Variants in RAD17 observed in about 807,000 individuals in gnomAD.
The protein encoded by RAD17 is RAD17 checkpoint clamp loader component.
In RAD17, 31 loss-of-function variants were observed where a neutral mutation model predicts 81.5. The observed-to-expected ratio is 0.38, with a 90% CI of 0.29 to 0.51. The LOEUF (loss-of-function observed/expected upper bound fraction) is 0.51, where lower values mean the gene tolerates loss of function less well. Among genes scored for constraint, RAD17 ranks in the 20% least tolerant of loss-of-function variants. The pLI, the probability that RAD17 is intolerant of heterozygous loss-of-function variation, is 0.88. For synonymous variants in RAD17, 261 were observed against 266.2 expected, an observed-to-expected ratio of 0.98 and a Z score of 0.19; for missense variants, 681 against 781.2, an observed-to-expected ratio of 0.87 and a Z score of 1.53.
Position 69,372,183 on chromosome 5 carries a change from A to G in RAD17, c.-26A>G, listed in dbSNP as rs1269880732. 1 of 1,608,374 alleles carries G rather than the reference A, an allele frequency of 6.2e-7. No individual in the cohort carries two copies. The highest frequency in any genetic ancestry group is 2.2e-5 in the East Asian group (1 of 44,714). On this transcript the variant is annotated 5_prime_UTR_variant, in exon 4 of 19. Transcript: ENST00000354868. ...GGAAAGGGGCCAAGATTATAGTACC[A>G]GTCACAATCTTTTGATGAGGACGAA...
At chr5:69,397,640 C>A (rs1272245978) in intron 16 of RAD17, among the ~76,000 whole-genome samples, 1 of 152,158 alleles carries the variant, frequency 6.6e-6, no homozygotes, top group Non-Finnish European at 1.5e-5. Flanking sequence ...AACCCTAGTT[C>A]AACCTGAGAA....
chr5:69,393,641 C>G (rs1258242578), intron 15 of RAD17, 141 bp downstream of exon 15: 4 of 748,484 alleles, frequency 5.3e-6, no homozygotes, highest in African/African-American at 1.8e-5. Flanking sequence ...ATGTAACCAA[C>G]TCAGTGTTTA....
Position 69,386,198 on chromosome 5 carries a change from T to C in RAD17, c.717T>C (p.Gly239=). ...ATTTTAGGAAGTATGTGAGGATTGG[T>C]CGATGTCCTCTTATATTTATAATCT... ...HEVLRKYVRI[G]RCPLIFIISD... The change falls in exon 10 of 19, where the codon GGT becomes GGC. Residue 239 remains glycine (G), a synonymous_variant. Coordinates refer to ENST00000354868, the MANE Select transcript of RAD17 (RefSeq NM_133338.3). The C allele has an allele frequency of 1.9e-6, 3 of 1,606,522 alleles. No individual in the cohort carries two copies. Among genetic ancestry groups the C allele is most frequent in the Middle Eastern group, 3.3e-4 (2 of 6,026 alleles).
At chr5:69,403,293 G>A (rs1054438371) in intron 17 of RAD17, among the ~76,000 whole-genome samples, 6 of 152,154 alleles carry the variant, frequency 3.9e-5, no homozygotes, top group Non-Finnish European at 5.9e-5. Context: ...TGACATTTTA[G>A]AGGGATATAG....
chr5:69,414,681 A>G lies in RAD17; in HGVS notation c.*389A>G, dbSNP rs2150905116. 1 of 224,150 alleles carries G rather than the reference A, an allele frequency of 4.5e-6. No homozygotes were observed. The highest frequency in any genetic ancestry group is 2.3e-5 in the African/African-American group (1 of 43,476). The allele number at this position is 224,150 out of a possible 1,614,324, so 13.9% of individuals were successfully genotyped here. A position where few individuals can be genotyped will look rare whatever the true frequency, so the allele number is the denominator to read the frequency against. ...ATTACGAGTGTAAACTGTGTGCCTT[A>G]TTTACACTTTATTGTCTCCCGCTTC... is the stretch of plus-strand genomic sequence containing the variant. On this transcript the variant is annotated 3_prime_UTR_variant, in exon 19 of 19. Coordinates refer to ENST00000354868, the MANE Select transcript of RAD17 (RefSeq NM_133338.3).
chr5:69,386,890 G>A (rs992773481), intron 11 of RAD17, among the ~76,000 whole-genome samples: 4 of 146,768 alleles, frequency 2.7e-5, no homozygotes, highest in East Asian at 2.0e-4. Context: ...CTTCAGTATT[G>A]TAAAGTCTAT....
At position 69,371,135 on chromosome 5, in the gene RAD17, T is replaced by A; in HGVS notation, c.-316T>A. On this transcript the variant is annotated 5_prime_UTR_variant, in exon 2 of 19. The change creates a new upstream start codon in the 5' untranslated region. Coordinates refer to ENST00000354868, the MANE Select transcript of RAD17 (RefSeq NM_133338.3). ...AAAACTTTAATTTTCAGTATAAAAA[T>A]TGCTCAAATAGAATTGCCTGATTTT... The A allele has an allele frequency of 2.1e-6, 1 of 486,942 alleles. No homozygotes were observed. The highest frequency in any genetic ancestry group is 4.0e-6 in the Non-Finnish European group (1 of 251,186). The allele number at this position is 486,942 out of a possible 1,614,324, so 30.2% of individuals were successfully genotyped here.
At chr5:69,373,738 T>A in intron 4 of RAD17, 92 bp from the exon 5 acceptor site, 7 of 764,334 alleles carry the variant, frequency 9.2e-6, no homozygotes, top group Non-Finnish European at 1.5e-5. Context: ...GTTATAAATA[T>A]ATGAATATGT....
intron 7 of RAD17, 41 bp downstream of exon 7, chr5:69,382,098 C>T: frequency 6.3e-7 from 1 of 1,578,662 alleles, no homozygotes; most frequent in Non-Finnish European, 8.7e-7. Flanking sequence ...GTGGGGCAAA[C>T]CTGTGCTTAA....
At chr5:69,369,521 G>T (rs773812621), upstream of RAD17, 1 of 1,610,964 alleles carries the variant, frequency 6.2e-7, no homozygotes, top group Non-Finnish European at 8.5e-7. Flanking sequence ...CGGGCGCCTC[G>T]CTCACGTGCC....
At chr5:69,381,834 A>G in intron 6 of RAD17, 67 bp from the exon 7 acceptor site, 1 of 1,155,496 alleles carries the variant, frequency 8.7e-7, no homozygotes, top group Non-Finnish European at 1.2e-6. Context: ...TAGAATGAAA[A>G]GTCAGAAATA....
In RAD17 at chr5:69,377,588, T is replaced by TATATATATGCATATATATGTATAC. The variant is rs1383615064; in HGVS notation, c.351+2895_351+2896insGTATACATATATATGCATATATAT. 2.1e-4 allele frequency among the ~76,000 whole-genome samples: 4 copies of TATATATATGCATATATATGTATAC among 18,906 alleles called. 1 individual carries two copies. The allele number at this position is 18,906 out of a possible 152,430, so 12.4% of individuals were successfully genotyped here. ...ATATATATGCATATATATGTATACA[T>TATATATATGCATATATATGTATAC]ATATATATGCATATATATATGTATA... On this transcript the variant is annotated intron_variant, in intron 6 of 18. Transcript: ENST00000354868.
intron 17 of RAD17, among the ~76,000 whole-genome samples, chr5:69,407,620 A>G (rs1765705099): frequency 8.9e-6 from 1 of 112,904 alleles, no homozygotes; most frequent in Non-Finnish European, 1.6e-5. Context: ...TCTGTTGTCC[A>G]GGCTGGAGTG....
chr5:69,374,465 A>G (rs1057086889), intron 5 of RAD17, among the ~76,000 whole-genome samples, 163 bp from the exon 6 acceptor site: 3 of 152,214 alleles, frequency 2.0e-5, no homozygotes, highest in Admixed American at 1.3e-4. Context: ...TTTTTCCATA[A>G]TAGTATAAAA....
chr5:69,372,722 C>T (rs1465119390), intron 4 of RAD17, among the ~76,000 whole-genome samples: 1 of 152,004 alleles, frequency 6.6e-6, no homozygotes, highest in Non-Finnish European at 1.5e-5. Flanking sequence ...AGTGATTCTC[C>T]CACCTTAGCC....
At chr5:69,388,495 A>G (rs1197276070) in intron 11 of RAD17, among the ~76,000 whole-genome samples, 1 of 152,254 alleles carries the variant, frequency 6.6e-6, no homozygotes, top group African/African-American at 2.4e-5. Flanking sequence ...GTGAAAAAGT[A>G]AAATAATACA....
intron 17 of RAD17, 46 bp from the exon 18 acceptor site, chr5:69,410,447 A>G (rs1384652120): frequency 2.0e-6 from 3 of 1,500,118 alleles, no homozygotes; most frequent in Non-Finnish European, 2.8e-6. Flanking sequence ...CCATTTGTAT[A>G]TTTTCTTTGG....
At chr5:69,402,274 C>G (rs1350647949) in intron 17 of RAD17, among the ~76,000 whole-genome samples, 1 of 151,762 alleles carries the variant, frequency 6.6e-6, no homozygotes, top group Non-Finnish European at 1.5e-5. Context: ...TGATCTCGAA[C>G]TCCTGGCCTT....
At chr5:69,407,163 C>T (rs1393935637) in intron 17 of RAD17, among the ~76,000 whole-genome samples, 1 of 151,826 alleles carries the variant, frequency 6.6e-6, no homozygotes, top group Non-Finnish European at 1.5e-5. Flanking sequence ...CCACCACACC[C>T]AGCTAATTTT....
Sources: allele counts gnomAD v4.1 joint callset (sites outside exome capture counted in the v4.1 genomes callset), GRCh38; gene constraint gnomAD v4.1.1; transcripts MANE v1.5; gene names NCBI Gene and HGNC (gene_info 2026-07-23, HGNC 2026-07-21).